Variants in DNAJC1 observed in about 807,000 individuals in gnomAD.
DNAJC1 encodes the protein dnaJ homolog subfamily C member 1.
In DNAJC1, 58 loss-of-function variants were observed where a neutral mutation model predicts 76.6. The observed-to-expected ratio is 0.76, with a 90% CI of 0.61 to 0.94. The LOEUF (loss-of-function observed/expected upper bound fraction) is 0.94. Ranked by LOEUF, DNAJC1 falls within the 40% of genes least tolerant of loss-of-function variation. The pLI is 0.00. For synonymous variants in DNAJC1, 258 were observed against 267.9 expected, an observed-to-expected ratio of 0.96 and a Z score of 0.36; for missense variants, 689 against 677.3, an observed-to-expected ratio of 1.02 and a Z score of -0.19.
chr10:21,959,800 C>CAAAAACAA (rs1554900598), intron 1 of DNAJC1, among the ~76,000 whole-genome samples: 4 of 138,900 alleles, frequency 2.9e-5, no homozygotes, highest in African/African-American at 8.0e-5. Context: ...AAAACAAAAA[C>CAAAAACAA]AAAAAAAAAA....
chr10:21,967,014 CTTTTT>C (rs11427152), intron 1 of DNAJC1, among the ~76,000 whole-genome samples: 2 of 138,776 alleles, frequency 1.4e-5, no homozygotes, highest in African/African-American at 5.3e-5. Flanking sequence ...TCTTCTTCTT[CTTTTT>C]TTTTTTTTTT....
intron 9 of DNAJC1, among the ~76,000 whole-genome samples, chr10:21,777,290 A>C (rs1369641521): frequency 6.6e-6 from 1 of 152,214 alleles, no homozygotes; most frequent in Non-Finnish European, 1.5e-5. Context: ...AGAACACCTA[A>C]TAGGATCCAA....
At chr10:21,940,568 T>C (rs1200141683) in intron 1 of DNAJC1, among the ~76,000 whole-genome samples, 1 of 152,232 alleles carries the variant, frequency 6.6e-6, no homozygotes, top group Non-Finnish European at 1.5e-5. Context: ...GGATGTATTC[T>C]GCTCCTTTAT....
chr10:21,756,848 A>G (rs1236037462), intron 11 of DNAJC1, 93 bp from the exon 12 acceptor site: 86 of 1,183,926 alleles, frequency 7.3e-5, no homozygotes, highest in Non-Finnish European at 9.4e-5. Flanking sequence ...GCTCATGAAG[A>G]GCCTCACGTC....
intron 8 of DNAJC1, among the ~76,000 whole-genome samples, chr10:21,868,076 C>CAAAAAAAAAAAA (rs775127374): frequency 1.4e-4 from 3 of 21,150 alleles, no homozygotes; most frequent in Non-Finnish European, 2.9e-4. Flanking sequence ...ATTCTGTCTC[C>CAAAAAAAAAAAA]AAAAAAAAAA....
intron 11 of DNAJC1, among the ~76,000 whole-genome samples, chr10:21,757,722 CG>C (rs2131614250): frequency 6.6e-6 from 1 of 152,298 alleles, no homozygotes; most frequent in Admixed American, 6.5e-5. Flanking sequence ...ACAGTGTGCT[CG>C]GAGCTCTGAG....
intron 1 of DNAJC1, among the ~76,000 whole-genome samples, chr10:21,962,185 C>T (rs1837805149): frequency 6.6e-6 from 1 of 152,084 alleles, no homozygotes; most frequent in Admixed American, 6.6e-5. Flanking sequence ...TTCTCTTCCA[C>T]TAGAATGTAA....
At chr10:21,939,354 G>C (rs1365286265) in intron 1 of DNAJC1, among the ~76,000 whole-genome samples, 1 of 152,070 alleles carries the variant, frequency 6.6e-6, no homozygotes, top group Non-Finnish European at 1.5e-5. Flanking sequence ...TTGACATCTG[G>C]GACCCTTAAT....
chr10:21,858,582 C>A (rs1025297839), intron 8 of DNAJC1, among the ~76,000 whole-genome samples: 5 of 152,156 alleles, frequency 3.3e-5, no homozygotes, highest in Non-Finnish European at 5.9e-5. Flanking sequence ...TCTTCCAACC[C>A]AATACTAACC....
intron 8 of DNAJC1, among the ~76,000 whole-genome samples, chr10:21,818,635 A>C (rs1394288778): frequency 6.6e-6 from 1 of 152,154 alleles, no homozygotes; most frequent in Non-Finnish European, 1.5e-5. Flanking sequence ...CCAGCTTTAC[A>C]CTTTGTACTC....
At chr10:21,759,650 A>C in intron 10 of DNAJC1, 32 bp from the exon 11 acceptor site, 1 of 1,595,068 alleles carries the variant, frequency 6.3e-7, no homozygotes, top group Non-Finnish European at 8.6e-7. Flanking sequence ...ACAGAGGTGA[A>C]GGGCAAGGTG....
At chr10:21,831,336 A>C (rs1290352800) in intron 8 of DNAJC1, among the ~76,000 whole-genome samples, 10 of 152,318 alleles carry the variant, frequency 6.6e-5, no homozygotes, top group African/African-American at 2.4e-4. Flanking sequence ...TTCTGCCCCA[A>C]GTGGGTATTA....
At chr10:21,813,175 CCTCTCTCTCTCTCTCTCT>C (rs532971786) in intron 8 of DNAJC1, among the ~76,000 whole-genome samples, 74 of 28,326 alleles carry the variant, frequency 2.6e-3, no homozygotes, top group African/African-American at 5.5e-3. Flanking sequence ...TCTCTCTCTC[CCTCTCTCTCTCTCTCTCT>C]CTCTCTCTCT....
At chr10:21,826,750 GAA>G (rs2131664245) in intron 8 of DNAJC1, among the ~76,000 whole-genome samples, 1 of 152,194 alleles carries the variant, frequency 6.6e-6, no homozygotes, top group Admixed American at 6.5e-5. Context: ...ACCATTTGTG[GAA>G]AAGACTGTCT....
intron 8 of DNAJC1, among the ~76,000 whole-genome samples, chr10:21,817,954 C>T (rs189775864): frequency 2.4e-4 from 36 of 152,176 alleles, no homozygotes; most frequent in Non-Finnish European, 3.5e-4. Flanking sequence ...GTGATGATTG[C>T]GTTAACTGCA....
intron 1 of DNAJC1, among the ~76,000 whole-genome samples, chr10:21,950,670 T>C (rs1416817070): frequency 1.3e-5 from 2 of 152,142 alleles, no homozygotes; most frequent in South Asian, 2.1e-4. Context: ...AGTATGAATG[T>C]AAAGGAAAAG....
chr10:21,992,878 T>C (rs965241657), intron 1 of DNAJC1, among the ~76,000 whole-genome samples: 3 of 152,228 alleles, frequency 2.0e-5, no homozygotes, highest in Non-Finnish European at 2.9e-5. Context: ...TCTGGAGTTA[T>C]TGTAAACTTT....
At chr10:21,910,889 GAAAGGAAGGAAAGA>G (rs1836847269) in intron 6 of DNAJC1, among the ~76,000 whole-genome samples, 1 of 145,410 alleles carries the variant, frequency 6.9e-6, no homozygotes, top group Non-Finnish European at 1.5e-5. Flanking sequence ...GAGGAGGAAG[GAAAGGAAGGAAAGA>G]AAAGGAAGAA....
chr10:21,841,475 T>C (rs562591171), intron 8 of DNAJC1, among the ~76,000 whole-genome samples: 84 of 152,276 alleles, frequency 5.5e-4, no homozygotes, highest in African/African-American at 1.9e-3. Flanking sequence ...AAGAAGATAT[T>C]TATGCAGCCA....
Sources: allele counts gnomAD v4.1 joint callset (sites outside exome capture counted in the v4.1 genomes callset), GRCh38; gene constraint gnomAD v4.1.1; transcripts MANE v1.5; gene names NCBI Gene and HGNC (gene_info 2026-07-23, HGNC 2026-07-21).